The following ZCWPW2 variants were observed in gnomAD, a reference collection of about 807,000 sequenced individuals.
The protein encoded by ZCWPW2 is zinc finger CW-type PWWP domain protein 2.
Under a neutral mutation model 46.6 loss-of-function variants are expected in ZCWPW2, and 45 were observed. The ratio of observed to expected loss-of-function variants is 0.96; its 90% CI spans 0.76 to 1.24. The LOEUF (loss-of-function observed/expected upper bound fraction) is 1.24, where lower values mean the gene tolerates loss of function less well. ZCWPW2 is among the 50% of genes most tolerant of loss of function. ZCWPW2 has a pLI of 0.00. For synonymous variants in ZCWPW2, 152 were observed against 137.1 expected (o/e 1.11, Z -0.76); for missense variants, 429 against 403.9 (o/e 1.06, Z -0.53).
intron 5 of ZCWPW2, 70 bp from the exon 6 acceptor site, chr3:28,492,057 G>A: frequency 1.4e-6 from 2 of 1,430,026 alleles, no homozygotes; most frequent in South Asian, 1.2e-5. Context: ...TTCTAATTGT[G>A]TAATTCAGTA....
At chr3:28,493,133 A>ATTTTTTTTT (rs1266340321) in intron 6 of ZCWPW2, among the ~76,000 whole-genome samples, 1 of 41,428 alleles carries the variant, frequency 2.4e-5, no homozygotes, top group African/African-American at 1.0e-4. Flanking sequence ...ATTTTTTTTT[A>ATTTTTTTTT]TTTTATTTTT....
At chr3:28,497,189 G>A (rs1254662602) in intron 6 of ZCWPW2, among the ~76,000 whole-genome samples, 1 of 150,294 alleles carries the variant, frequency 6.7e-6, no homozygotes, top group Non-Finnish European at 1.5e-5. Flanking sequence ...TTTTGGCAGT[G>A]GTCAACATCC....
intron 9 of ZCWPW2, among the ~76,000 whole-genome samples, chr3:28,522,539 T>A (rs1254875753): frequency 1.3e-5 from 2 of 152,198 alleles, no homozygotes; most frequent in African/African-American, 2.4e-5. Context: ...TCATTCAGAA[T>A]GTCAATAAAA....
intron 4 of ZCWPW2, among the ~76,000 whole-genome samples, chr3:28,462,568 C>T (rs183716141): frequency 1.3e-4 from 20 of 152,290 alleles, no homozygotes; most frequent in African/African-American, 4.3e-4. Context: ...AGCACTGTCA[C>T]ATTCAATTTG....
At chr3:28,474,586 C>A (rs998561277) in intron 4 of ZCWPW2, among the ~76,000 whole-genome samples, 2 of 136,170 alleles carry the variant, frequency 1.5e-5, no homozygotes, top group Non-Finnish European at 3.1e-5. Context: ...TTAAATACAG[C>A]GTGTGTGTGT....
intron 5 of ZCWPW2, among the ~76,000 whole-genome samples, chr3:28,479,834 C>G (rs962258684): frequency 1.3e-5 from 2 of 152,150 alleles, no homozygotes; most frequent in African/African-American, 4.8e-5. Context: ...CCATCCATGT[C>G]CCTGCAAAGG....
intron 6 of ZCWPW2, among the ~76,000 whole-genome samples, chr3:28,508,281 A>C (rs547707297): frequency 3.9e-5 from 6 of 152,274 alleles, no homozygotes; most frequent in African/African-American, 1.4e-4. Flanking sequence ...AGAAGTTTGG[A>C]GGGAACAAAC....
chr3:28,474,626 CGCGCGCGCGCGCACAT>C (rs960090102), intron 4 of ZCWPW2, among the ~76,000 whole-genome samples: 1 of 121,192 alleles, frequency 8.3e-6, no homozygotes, highest in Non-Finnish European at 1.8e-5. Flanking sequence ...TGTGTGCGCG[CGCGCGCGCGCGCACAT>C]GCGCATTTGT....
intron 4 of ZCWPW2, among the ~76,000 whole-genome samples, chr3:28,447,013 A>G (rs1698021345): frequency 6.6e-6 from 1 of 152,136 alleles, no homozygotes; most frequent in Non-Finnish European, 1.5e-5. Flanking sequence ...ATGAGATTGA[A>G]TTAGTAATCC....
chr3:28,477,535 T>A (rs1699275477), intron 4 of ZCWPW2, among the ~76,000 whole-genome samples: 2 of 152,182 alleles, frequency 1.3e-5, no homozygotes. Context: ...CACAAATAAC[T>A]GTAATAGAAG....
intron 6 of ZCWPW2, among the ~76,000 whole-genome samples, chr3:28,504,433 C>T (rs373073019): frequency 6.6e-6 from 1 of 151,558 alleles, no homozygotes; most frequent in Non-Finnish European, 1.5e-5. Context: ...AAGCATTTGA[C>T]AATGATCCAT....
At chr3:28,420,515 T>C (rs1004167900) in intron 3 of ZCWPW2, among the ~76,000 whole-genome samples, 2 of 152,016 alleles carry the variant, frequency 1.3e-5, no homozygotes, top group African/African-American at 4.8e-5. Context: ...GTCCATGTGT[T>C]CTCATCATCA....
intron 3 of ZCWPW2, among the ~76,000 whole-genome samples, chr3:28,420,362 G>C (rs987890113): frequency 1.3e-5 from 2 of 151,938 alleles, no homozygotes; most frequent in African/African-American, 4.8e-5. Context: ...TGGTTTCAAA[G>C]AACATCTTTA....
At chr3:28,473,311 CT>C (rs1183531999) in intron 4 of ZCWPW2, among the ~76,000 whole-genome samples, 1 of 152,014 alleles carries the variant, frequency 6.6e-6, no homozygotes, top group East Asian at 1.9e-4. Flanking sequence ...TCCATCTCTA[CT>C]AAAAATACAA....
chr3:28,412,507 A>T (rs1045918330), intron 2 of ZCWPW2, among the ~76,000 whole-genome samples: 6 of 152,068 alleles, frequency 3.9e-5, no homozygotes, highest in African/African-American at 1.4e-4. Flanking sequence ...AATGGGTAAG[A>T]TCACAAACTT....
chr3:28,488,417 C>A (rs1451099108), intron 5 of ZCWPW2, among the ~76,000 whole-genome samples: 1 of 152,152 alleles, frequency 6.6e-6, no homozygotes, highest in Non-Finnish European at 1.5e-5. Context: ...TTCTAATTTC[C>A]TTACATGCCA....
intron 3 of ZCWPW2, among the ~76,000 whole-genome samples, chr3:28,423,438 C>T (rs1225110860): frequency 6.8e-6 from 1 of 147,714 alleles, no homozygotes; most frequent in Non-Finnish European, 1.5e-5. Flanking sequence ...GCGATCTAGG[C>T]TCACTGCAAG....
intron 2 of ZCWPW2, among the ~76,000 whole-genome samples, chr3:28,401,835 A>G (rs1038810716): frequency 6.6e-6 from 1 of 152,104 alleles, no homozygotes; most frequent in African/African-American, 2.4e-5. Context: ...TTGGTTCAAA[A>G]ATGAAATCAA....
intron 2 of ZCWPW2, among the ~76,000 whole-genome samples, chr3:28,400,609 A>G (rs1213600032): frequency 6.6e-6 from 1 of 152,214 alleles, no homozygotes; most frequent in African/African-American, 2.4e-5. Context: ...AAACCCTACA[A>G]GCTAGAAGGG....
Sources: gnomAD v4.1 joint callset for allele counts (sites outside exome capture counted in the v4.1 genomes callset) on GRCh38, gnomAD v4.1.1 for gene constraint, MANE v1.5 for transcripts, NCBI Gene and HGNC (gene_info 2026-07-23, HGNC 2026-07-21) for gene names.